The following PCSK5 variants were observed in gnomAD, a reference collection of about 807,000 sequenced individuals.
The protein encoded by PCSK5 is prohormone convertase 5.
PCSK5 carries 129 observed loss-of-function variants against 233.2 expected under a neutral mutation model. The ratio of observed to expected loss-of-function variants is 0.55; its 90% CI spans 0.48 to 0.64. The LOEUF (loss-of-function observed/expected upper bound fraction) is 0.64, where lower values mean the gene tolerates loss of function less well. PCSK5 is among the 30% of genes least tolerant of loss of function. The pLI is 0.00. For missense variants in PCSK5, 2,076 were observed against 2,430.1 expected (o/e 0.85, Z 3.06); for synonymous variants, 825 against 879.2 (o/e 0.94, Z 1.09).
intron 25 of PCSK5, among the ~76,000 whole-genome samples, chr9:76,293,208 C>T (rs1828332008): frequency 6.6e-6 from 1 of 152,070 alleles, no homozygotes; most frequent in African/African-American, 2.4e-5. Flanking sequence ...GAGAAGGCGA[C>T]CCACCTGTCC....
intron 20 of PCSK5, among the ~76,000 whole-genome samples, chr9:76,198,466 A>C (rs1227239804): frequency 6.6e-6 from 1 of 152,178 alleles, no homozygotes; most frequent in Non-Finnish European, 1.5e-5. Flanking sequence ...AGGCCGATAG[A>C]CATTCATTTT....
At chr9:76,192,846 G>C (rs1824474138) in intron 20 of PCSK5, among the ~76,000 whole-genome samples, 1 of 152,014 alleles carries the variant, frequency 6.6e-6, no homozygotes, top group Non-Finnish European at 1.5e-5. Flanking sequence ...TAAAATGATG[G>C]TGCATCTTAA....
intron 20 of PCSK5, among the ~76,000 whole-genome samples, chr9:76,218,471 T>G (rs1825616634): frequency 6.6e-6 from 1 of 152,140 alleles, no homozygotes; most frequent in Admixed American, 6.5e-5. Context: ...TTAGATGATG[T>G]TCACACAGGA....
intron 9 of PCSK5, among the ~76,000 whole-genome samples, chr9:76,113,595 G>A (rs757556566): frequency 1.3e-5 from 2 of 152,138 alleles, no homozygotes; most frequent in Non-Finnish European, 2.9e-5. Flanking sequence ...GGGTTCTGGA[G>A]TTTTAAACAA....
intron 10 of PCSK5, among the ~76,000 whole-genome samples, chr9:76,135,138 G>T (rs1822918345): frequency 6.6e-6 from 1 of 151,982 alleles, no homozygotes. Context: ...TTGGTAACAT[G>T]GTCCTGGGCA....
chr9:76,221,096 G>A (rs974367276), intron 20 of PCSK5, among the ~76,000 whole-genome samples: 17 of 152,268 alleles, frequency 1.1e-4, no homozygotes, highest in African/African-American at 4.1e-4. Context: ...AGCCTAACGG[G>A]CAAAACAAAC....
chr9:75,942,113 T>C (rs1024879038), intron 2 of PCSK5, among the ~76,000 whole-genome samples: 5 of 152,200 alleles, frequency 3.3e-5, no homozygotes, highest in Non-Finnish European at 7.3e-5. Flanking sequence ...TCACCGGGCA[T>C]GCGCCAAAGC....
chr9:76,064,305 G>A (rs1386880321), intron 5 of PCSK5, among the ~76,000 whole-genome samples: 5 of 90,288 alleles, frequency 5.5e-5, no homozygotes, highest in African/African-American at 1.6e-4. Flanking sequence ...CAGTAGGGGC[G>A]GCCGGGCAGA....
chr9:76,345,380 A>G (rs1829950445), intron 35 of PCSK5, among the ~76,000 whole-genome samples: 1 of 151,830 alleles, frequency 6.6e-6, no homozygotes, highest in South Asian at 2.1e-4. Flanking sequence ...CTAGAGGTGC[A>G]TGCTACCACC....
chr9:76,192,406 G>C lies in PCSK5; in HGVS notation c.2626+2660G>C, dbSNP rs543423603. 5.9e-5 allele frequency among the ~76,000 whole-genome samples: 9 copies of C among 152,216 alleles called. No homozygotes were observed. The South Asian group carries it at 1.9e-3, about 32-fold the overall frequency. ...ATGTGTTATTTATTCTCTTTCAACT[G>C]TCATATTTCTGTGATTCTAAGACAT... On this transcript the variant is annotated intron_variant, in intron 20 of 37. Coordinates refer to ENST00000674117, the MANE Select transcript of PCSK5 (RefSeq NM_001372043.1).
chr9:75,934,145 A>T (rs1823941064), intron 2 of PCSK5, among the ~76,000 whole-genome samples: 2 of 151,954 alleles, frequency 1.3e-5, no homozygotes, highest in Admixed American at 6.6e-5. Flanking sequence ...CCTGGAATGC[A>T]CTCCTATTTC....
chr9:76,099,406 G>A (rs1214933996), intron 8 of PCSK5, among the ~76,000 whole-genome samples: 1 of 152,160 alleles, frequency 6.6e-6, no homozygotes, highest in Non-Finnish European at 1.5e-5. Context: ...CACAGGAGCA[G>A]CTCAGTGCAT....
At chr9:76,045,166 A>T (rs188132633) in intron 5 of PCSK5, among the ~76,000 whole-genome samples, 156 of 152,350 alleles carry the variant, frequency 1.0e-3, no homozygotes, top group African/African-American at 2.6e-3. Flanking sequence ...CCTTCAGTGA[A>T]TGATCAGAAA....
At chr9:76,243,919 A>G (rs992988100) in intron 24 of PCSK5, among the ~76,000 whole-genome samples, 2 of 152,256 alleles carry the variant, frequency 1.3e-5, no homozygotes, top group East Asian at 3.8e-4. Flanking sequence ...AATAAACCAT[A>G]CAATACAAAA....
chr9:75,916,268 T>C (rs1355506437), intron 1 of PCSK5, among the ~76,000 whole-genome samples: 4 of 152,214 alleles, frequency 2.6e-5, no homozygotes, highest in Admixed American at 2.6e-4. Context: ...GAGCTTGGTG[T>C]CGGAAAAATC....
chr9:76,067,330 A>G (rs934523677), intron 5 of PCSK5, among the ~76,000 whole-genome samples: 2 of 152,252 alleles, frequency 1.3e-5, no homozygotes, highest in African/African-American at 4.8e-5. Flanking sequence ...AAGTGTGGAT[A>G]ACATATTTTA....
Position 76,175,119 on chromosome 9 carries a change from G to A in PCSK5, c.1890G>A (p.Glu630=), listed in dbSNP as rs1823516007. The part of the protein sequence containing the change: ...VEDPTDDYGT[E]DYAGPCDPEC... ...ACCCCACAGACGACTATGGCACAGA[G>A]GATTATGCAGGTGAGCTGGCTTCCA... is the stretch of plus-strand genomic sequence containing the variant. Residue 630 remains glutamate, a synonymous_variant, in exon 14 of 38, where the codon GAG becomes GAA. Coordinates refer to ENST00000674117, the MANE Select transcript of PCSK5 (RefSeq NM_001372043.1). The A allele has an allele frequency of 3.1e-6, 5 of 1,613,652 alleles. No homozygotes were observed. Among genetic ancestry groups the A allele is most frequent in the Non-Finnish European group, 4.2e-6 (5 of 1,179,914 alleles).
intron 1 of PCSK5, among the ~76,000 whole-genome samples, chr9:75,903,395 A>C (rs1826126910): frequency 6.6e-6 from 1 of 151,608 alleles, no homozygotes; most frequent in Non-Finnish European, 1.5e-5. Context: ...ATTATCTGAG[A>C]GGTTAATTCT....
At chr9:75,926,644 A>G (rs761469362) in intron 1 of PCSK5, among the ~76,000 whole-genome samples, 6 of 152,110 alleles carry the variant, frequency 3.9e-5, no homozygotes, top group Non-Finnish European at 8.8e-5. Flanking sequence ...TTCATTCACT[A>G]TACAGTAGGT....
Sources: gnomAD v4.1 joint callset for allele counts (sites outside exome capture counted in the v4.1 genomes callset) on GRCh38, gnomAD v4.1.1 for gene constraint, MANE v1.5 for transcripts, NCBI Gene and HGNC (gene_info 2026-07-23, HGNC 2026-07-21) for gene names.